PMFBP1: variants seen among roughly 807,000 people sequenced by gnomAD.
PMFBP1 encodes the protein polyamine modulated factor 1 binding protein 1.
In PMFBP1, 131 loss-of-function variants were observed where a neutral mutation model predicts 137.8. The observed-to-expected ratio is 0.95, with a 90% CI of 0.82 to 1.10. The LOEUF (loss-of-function observed/expected upper bound fraction) is 1.10. Ranked by LOEUF, PMFBP1 falls within the 50% of genes least tolerant of loss-of-function variation. PMFBP1 has a pLI of 0.00. For synonymous variants in PMFBP1, 490 were observed against 450.4 expected (o/e 1.09, Z -1.11); for missense variants, 1,199 against 1,175.4 (o/e 1.02, Z -0.29).
the PMFBP1 span, among the ~76,000 whole-genome samples, chr16:72,185,618 T>C: frequency 6.6e-6 from 1 of 152,154 alleles, no homozygotes; most frequent in African/African-American, 2.4e-5. Flanking sequence ...GTCCTCACAC[T>C]ATATTAGAAT....
the PMFBP1 span, among the ~76,000 whole-genome samples, chr16:72,220,287 C>G: frequency 7.2e-5 from 11 of 152,318 alleles, no homozygotes; most frequent in South Asian, 1.0e-3. Flanking sequence ...AGATGCCCAA[C>G]TACAGTGGAG....
intron 4 of PMFBP1, among the ~76,000 whole-genome samples, chr16:72,152,805 A>T (rs1183213422): frequency 6.7e-6 from 1 of 149,054 alleles, no homozygotes; most frequent in African/African-American, 2.5e-5. Context: ...AGATCGGGCC[A>T]ATGCATCCCA....
chr16:72,171,143 G>A (rs571497445), intron 2 of PMFBP1, 54 bp downstream of exon 2: 1 of 1,580,710 alleles, frequency 6.3e-7, no homozygotes, highest in South Asian at 1.1e-5. Flanking sequence ...CATGAAAAAA[G>A]TCCCTTGTAA....
chr16:72,211,020 A>T, the PMFBP1 span, among the ~76,000 whole-genome samples: 1 of 152,172 alleles, frequency 6.6e-6, no homozygotes, highest in African/African-American at 2.4e-5. Flanking sequence ...GAAGGGTGGC[A>T]AGGGATGGTT....
At position 72,140,453 on chromosome 16, in the gene PMFBP1, T is replaced by A. The variant is rs376937169; in HGVS notation, c.766A>T (p.Ile256Phe). 3.7e-5 allele frequency: 59 copies of A among 1,610,262 alleles called. No homozygotes were observed. Among genetic ancestry groups the A allele is most frequent in the Middle Eastern group, 3.3e-4 (2 of 6,082 alleles). ...GCCAGCTTATTTCGAAGTTCTTGAATGAGATCATCCTGTTGAGAGACCTTT... is the reference window on the plus strand; with the variant it reads ...GCCAGCTTATTTCGAAGTTCTTGAAAGAGATCATCCTGTTGAGAGACCTTT... ...WQKVSQQDDL[I>F]QELRNKLACS... Residue 256 changes from isoleucine (I) to phenylalanine (F), a missense_variant, in exon 6 of 21, where the codon ATT (isoleucine) becomes TTT (phenylalanine). Ile to Phe is a conservative substitution (Grantham distance 21). Transcript: ENST00000237353.
chr16:72,183,290 T>A, the PMFBP1 span, among the ~76,000 whole-genome samples: 1 of 152,366 alleles, frequency 6.6e-6, no homozygotes, highest in African/African-American at 2.4e-5. Context: ...TGCCTAGGGC[T>A]ACTGTAACAA....
At chr16:72,240,912 TGAGAGA>T in the PMFBP1 span, among the ~76,000 whole-genome samples, 3 of 148,422 alleles carry the variant, frequency 2.0e-5, no homozygotes, top group South Asian at 2.1e-4. Flanking sequence ...GGTGTGTGTG[TGAGAGA>T]GAGAGAGAGA....
At chr16:72,168,837 A>G (rs1237256648) in intron 2 of PMFBP1, among the ~76,000 whole-genome samples, 2 of 152,258 alleles carry the variant, frequency 1.3e-5, no homozygotes, top group Non-Finnish European at 2.9e-5. Flanking sequence ...GATAACTATT[A>G]GAAAATAGGT....
rs77030780 is a variant in PMFBP1, at chr16:72,135,359, G to T, written c.1203+1089C>A. 5.6e-4 allele frequency among the ~76,000 whole-genome samples: 74 copies of T among 131,504 alleles called. No individual in the cohort carries two copies. The Middle Eastern group carries it at 0.012, about 22-fold the overall frequency. The allele number at this position is 131,504 out of a possible 152,430, so 86.3% of individuals were successfully genotyped here. A position where few individuals can be genotyped will look rare whatever the true frequency, so the allele number is the denominator to read the frequency against. On this transcript the variant is annotated intron_variant, in intron 9 of 20. Transcript: ENST00000237353. ...CCTGGCTAATTTTGTGTGTGTGTGT[G>T]TTTTTTTTTTTTTTTTTTTGTTGTT... is the stretch of plus-strand genomic sequence containing the variant.
chr16:72,203,990 C>T, the PMFBP1 span, among the ~76,000 whole-genome samples: 1 of 152,130 alleles, frequency 6.6e-6, no homozygotes, highest in Non-Finnish European at 1.5e-5. Flanking sequence ...CAGGGAGGAC[C>T]CTGTCTGCCT....
At chr16:72,150,050 A>G (rs118003520) in intron 5 of PMFBP1, among the ~76,000 whole-genome samples, 2,400 of 152,320 alleles carry the variant, frequency 0.016, 26 homozygotes, top group Non-Finnish European at 0.024. Context: ...AATTAAAAAT[A>G]GCAGTTAAAG....
chr16:72,239,915 A>AAAAAAAAAAAAAAAAAAAAAAAG, the PMFBP1 span, among the ~76,000 whole-genome samples: 2 of 145,050 alleles, frequency 1.4e-5, no homozygotes, highest in African/African-American at 2.5e-5. Context: ...AAAAAAAAAA[A>AAAAAAAAAAAAAAAAAAAAAAAG]AAGAATGTTC....
intron 9 of PMFBP1, among the ~76,000 whole-genome samples, chr16:72,135,575 T>G (rs1483335949): frequency 6.6e-6 from 1 of 151,856 alleles, no homozygotes; most frequent in East Asian, 1.9e-4. Context: ...TAGTACTGAT[T>G]AAAAAAGCTT....
rs561690882 is a variant in PMFBP1 at position 72,126,481 on chromosome 16, A to G, written c.2089-349T>C. On this transcript the variant is annotated intron_variant, in intron 14 of 20. Transcript: ENST00000237353. Reference sequence around the variant, plus strand: ...ATCCGATTTGAGGTTAGTGGACATGATAACAACATGTCCTTTGTGTTTTAT... The same window carrying G: ...ATCCGATTTGAGGTTAGTGGACATGGTAACAACATGTCCTTTGTGTTTTAT... Among the ~76,000 whole-genome samples, 11 of 152,356 alleles carry G rather than the reference A, an allele frequency of 7.2e-5. No homozygotes were observed. The South Asian group carries it at 2.3e-3, about 32-fold the overall frequency.
chr16:72,216,589 T>C, the PMFBP1 span, among the ~76,000 whole-genome samples: 4 of 152,212 alleles, frequency 2.6e-5, no homozygotes, highest in East Asian at 1.9e-4. Context: ...TTGGTTTTTA[T>C]TGGCAGCCTT....
At chr16:72,154,985 T>C (rs904832589) in intron 3 of PMFBP1, among the ~76,000 whole-genome samples, 2 of 152,152 alleles carry the variant, frequency 1.3e-5, no homozygotes, top group African/African-American at 4.8e-5. Context: ...CTCCTTCTCC[T>C]GAAGGAAGAT....
upstream of PMFBP1, among the ~76,000 whole-genome samples, chr16:72,181,804 T>C (rs2043277205): frequency 6.6e-6 from 1 of 152,204 alleles, no homozygotes; most frequent in Non-Finnish European, 1.5e-5. Context: ...GTTAAATAAA[T>C]GTTTATAATC....
the PMFBP1 span, among the ~76,000 whole-genome samples, chr16:72,214,199 A>G: frequency 6.6e-6 from 1 of 151,792 alleles, no homozygotes; most frequent in Non-Finnish European, 1.5e-5. Flanking sequence ...CTTCATTATA[A>G]GTTTTTTTTT....
At chr16:72,156,061 G>A (rs1329736524) in intron 3 of PMFBP1, among the ~76,000 whole-genome samples, 3 of 152,084 alleles carry the variant, frequency 2.0e-5, no homozygotes, top group South Asian at 2.1e-4. Flanking sequence ...ATCTTGGCTC[G>A]CTGCAACCTC....
Sources: allele counts gnomAD v4.1 joint callset (sites outside exome capture counted in the v4.1 genomes callset), GRCh38; gene constraint gnomAD v4.1.1; transcripts MANE v1.5; gene names NCBI Gene and HGNC (gene_info 2026-07-23, HGNC 2026-07-21).